Variants in CDH4 observed in about 807,000 individuals in gnomAD.
CDH4 encodes the protein cadherin 4, also known as cadherin-4.
In CDH4, 33 loss-of-function variants were observed where a neutral mutation model predicts 86.0. That is an observed-to-expected ratio of 0.38 (90% CI 0.29 to 0.51). The LOEUF (loss-of-function observed/expected upper bound fraction) is 0.51. CDH4 is among the 20% of genes least tolerant of loss of function. CDH4 has a pLI of 0.86. For synonymous variants in CDH4, 555 were observed against 549.4 expected, an observed-to-expected ratio of 1.01 and a Z score of -0.14; for missense variants, 1,114 against 1,307.4, an observed-to-expected ratio of 0.85 and a Z score of 2.28.
chr20:61,801,994 A>G (rs966442333), intron 4 of CDH4, among the ~76,000 whole-genome samples: 1 of 152,268 alleles, frequency 6.6e-6, no homozygotes, highest in African/African-American at 2.4e-5. Flanking sequence ...CCTTGCTGCC[A>G]TAAGAGAATG....
chr20:61,499,528 T>C (rs1414963087), intron 2 of CDH4: 2 of 1,288,186 alleles, frequency 1.6e-6, no homozygotes, highest in African/African-American at 3.0e-5. Flanking sequence ...TTAGGGTTGT[T>C]TGTGGGCCAC....
At position 61,759,981 on chromosome 20, in the gene CDH4, C is replaced by T. The variant is rs555584420; in HGVS notation, c.397-13022C>T. 2.4e-3 allele frequency among the ~76,000 whole-genome samples: 373 copies of T among 152,324 alleles called. 2 individuals carry two copies. The highest frequency in any genetic ancestry group is 4.3e-3 in the Non-Finnish European group (294 of 68,034). On this transcript the variant is annotated intron_variant, in intron 3 of 15. Coordinates refer to ENST00000614565, the MANE Select transcript of CDH4 (RefSeq NM_001794.5). ...CCGGCCAGGACCGAGGTCACAAGCT[C>T]GGTAGCTTGTCCGGATCTCTTTGTA...
intron 2 of CDH4, among the ~76,000 whole-genome samples, chr20:61,398,891 C>T (rs1269243701): frequency 6.6e-6 from 1 of 152,188 alleles, no homozygotes; most frequent in Non-Finnish European, 1.5e-5. Context: ...CAGTCAGACC[C>T]CGGCCACAGC....
intron 4 of CDH4, among the ~76,000 whole-genome samples, chr20:61,819,421 G>C (rs1006674547): frequency 5.3e-5 from 8 of 151,552 alleles, no homozygotes; most frequent in Non-Finnish European, 8.9e-5. Flanking sequence ...GCTCTGCCCC[G>C]GGAGCGTTCC....
chr20:61,638,689 T>A (rs1358907663), intron 2 of CDH4, among the ~76,000 whole-genome samples: 1 of 152,216 alleles, frequency 6.6e-6, no homozygotes, highest in African/African-American at 2.4e-5. Context: ...TCTGCCCACA[T>A]TGTGAGTTAA....
At chr20:61,773,869 AT>A (rs1279066626) in intron 4 of CDH4, among the ~76,000 whole-genome samples, 6 of 152,088 alleles carry the variant, frequency 3.9e-5, no homozygotes, top group South Asian at 2.1e-4. Context: ...GGTCATTCTC[AT>A]TCTTTGTGCT....
In CDH4 at chr20:61,852,876, C is replaced by T. The variant is rs767682417; in HGVS notation, c.855C>T (p.Ser285=). 1.4e-5 allele frequency: 23 copies of T among 1,613,830 alleles called. No homozygotes were observed. Among genetic ancestry groups the T allele is most frequent in the Middle Eastern group, 1.6e-4 (1 of 6,076 alleles). Reference sequence around the variant, plus strand: ...TCATCAACCAGGTCTACAACGGCTCCGTGGACGAGGGCTCCAAGCCAGGTG... The same window carrying T: ...TCATCAACCAGGTCTACAACGGCTCTGTGGACGAGGGCTCCAAGCCAGGTG... ...PEFINQVYNG[S]VDEGSKPGTY... is the part of the protein sequence containing the mutation. The change falls in exon 6 of 16, where the codon TCC becomes TCT. Residue 285 remains serine, a synonymous_variant. Transcript: ENST00000614565.
chr20:61,322,138 G>A (rs887890841), intron 2 of CDH4, among the ~76,000 whole-genome samples: 28 of 152,134 alleles, frequency 1.8e-4, no homozygotes, highest in African/African-American at 6.8e-4. Context: ...CTTCGGGGAT[G>A]GTTATTTATT....
At chr20:61,484,702 A>G (rs2085586463) in intron 2 of CDH4, among the ~76,000 whole-genome samples, 1 of 152,140 alleles carries the variant, frequency 6.6e-6, no homozygotes, top group Non-Finnish European at 1.5e-5. Flanking sequence ...TCGGATCCCT[A>G]AGACCAGCCA....
At chr20:61,593,995 A>G (rs2086535969) in intron 2 of CDH4, among the ~76,000 whole-genome samples, 1 of 141,882 alleles carries the variant, frequency 7.0e-6, no homozygotes, top group African/African-American at 2.7e-5. Flanking sequence ...CGCATGAGGA[A>G]ATACAGATTC....
At chr20:61,601,182 C>T (rs928886347) in intron 2 of CDH4, among the ~76,000 whole-genome samples, 4 of 152,142 alleles carry the variant, frequency 2.6e-5, no homozygotes, top group Non-Finnish European at 4.4e-5. Flanking sequence ...GAAGGCAAAG[C>T]GGGAGCAGGC....
At position 61,672,911 on chromosome 20, in the gene CDH4, T is replaced by C. The variant is rs190254831; in HGVS notation, c.170-70652T>C. Among the ~76,000 whole-genome samples, 147 of 152,084 alleles carry C rather than the reference T, an allele frequency of 9.7e-4. 1 individual carries two copies. Among genetic ancestry groups the C allele is most frequent in the African/African-American group, 3.3e-3 (137 of 41,468 alleles). The stretch of plus-strand genomic sequence containing the variant: ...AAGAGGTGGGGAGAGGAGGAGGTCA[T>C]CCTGAGTTATCCAGTGGGTCCTAAA... On this transcript the variant is annotated intron_variant, in intron 2 of 15. Transcript: ENST00000614565.
At chr20:61,441,874 G>T (rs2085316450) in intron 2 of CDH4, among the ~76,000 whole-genome samples, 1 of 152,180 alleles carries the variant, frequency 6.6e-6, no homozygotes, top group Admixed American at 6.5e-5. Context: ...GCCAGGTTGG[G>T]TTGTGCAGGT....
chr20:61,764,921 C>T (rs1288224283), intron 3 of CDH4, among the ~76,000 whole-genome samples: 1 of 152,214 alleles, frequency 6.6e-6, no homozygotes, highest in Non-Finnish European at 1.5e-5. Context: ...CGTAAATCAC[C>T]ATCTTACAGT....
chr20:61,551,075 C>T (rs1457632636), intron 2 of CDH4, among the ~76,000 whole-genome samples: 1 of 152,192 alleles, frequency 6.6e-6, no homozygotes, highest in African/African-American at 2.4e-5. Context: ...ATACAAAATG[C>T]AGGTAACGGG....
Position 61,853,880 on chromosome 20 carries a change from C to T in CDH4, c.877+982C>T, listed in dbSNP as rs536241408. 4.6e-5 allele frequency among the ~76,000 whole-genome samples: 7 copies of T among 152,204 alleles called. No homozygotes were observed. In the South Asian group the frequency reaches 1.2e-3, roughly 27 times the overall value. On this transcript the variant is annotated intron_variant, in intron 6 of 15. Coordinates refer to ENST00000614565, the MANE Select transcript of CDH4 (RefSeq NM_001794.5). ...AACCTTTGCCCGGCTTGGGTTGGGT[C>T]GGGGGAGGTGAGGTCACTGAGGAGA...
At chr20:61,660,253 G>A (rs1049338855) in intron 2 of CDH4, among the ~76,000 whole-genome samples, 1 of 152,200 alleles carries the variant, frequency 6.6e-6, no homozygotes, top group Non-Finnish European at 1.5e-5. Context: ...CCCTGCCTTG[G>A]AGCGTGGCCC....
intron 2 of CDH4, among the ~76,000 whole-genome samples, chr20:61,363,414 C>A (rs897611492): frequency 7.2e-5 from 11 of 151,900 alleles, no homozygotes; most frequent in Admixed American, 5.2e-4. Context: ...CTAAATATCT[C>A]TCTCTCTCTC....
At chr20:61,622,598 C>T (rs1175414500) in intron 2 of CDH4, among the ~76,000 whole-genome samples, 1 of 152,250 alleles carries the variant, frequency 6.6e-6, no homozygotes, top group African/African-American at 2.4e-5. Flanking sequence ...GCCCTTGCTA[C>T]GGAAGACTCA....
Sources: gnomAD v4.1 joint callset for allele counts (sites outside exome capture counted in the v4.1 genomes callset) on GRCh38, gnomAD v4.1.1 for gene constraint, MANE v1.5 for transcripts, NCBI Gene and HGNC (gene_info 2026-07-23, HGNC 2026-07-21) for gene names.